MZT2A: variants seen among roughly 807,000 people sequenced by gnomAD.
MZT2A encodes the protein mitotic spindle organizing protein 2A.
MZT2A carries 8 observed loss-of-function variants against 12.4 expected under a neutral mutation model. That is an observed-to-expected ratio of 0.64 (90% CI 0.38 to 1.16). The LOEUF (loss-of-function observed/expected upper bound fraction) is 1.16, where lower values mean the gene tolerates loss of function less well. Ranked by LOEUF, MZT2A falls within the 50% of genes most tolerant of loss-of-function variation. The probability of loss-of-function intolerance (pLI) is 0.01; values close to 1 mark genes in which losing one functional copy is unlikely to be tolerated. For synonymous variants in MZT2A, 88 were observed against 107.5 expected (o/e 0.82, Z 1.12); for missense variants, 181 against 223.6 (o/e 0.81, Z 1.22).
In MZT2A at chr2:131,477,037, C is replaced by CTT. The variant is rs1229461335; in HGVS notation, c.279-4857_279-4856dup. ...TCCTTTTTTTCCTTTCTTTTTCTTT[C>CTT]TTTTTTTTTTTTGAGACAGCACTCA... On this transcript the variant is annotated intron_variant and NMD_transcript_variant, in intron 2 of 4. Transcript: ENST00000427024. Among the ~76,000 whole-genome samples the CTT allele has an allele frequency of 1.1e-4, 12 of 108,716 alleles. 2 individuals are homozygous for CTT. The highest frequency in any genetic ancestry group is 2.5e-4 in the South Asian group (1 of 4,044). 71.3% of individuals were successfully genotyped at this position (108,716 alleles called of 152,430 possible).
At chr2:131,493,505 C>T (rs1402366633), upstream of MZT2A, among the ~76,000 whole-genome samples, 1 of 152,096 alleles carries the variant, frequency 6.6e-6, no homozygotes, top group Admixed American at 6.5e-5. Context: ...CTCGACCCTT[C>T]CCCTGTGCGC....
chr2:131,469,736 G>T (rs1292929641), intron 4 of MZT2A: 1 of 143,970 alleles, frequency 6.9e-6, no homozygotes, highest in Non-Finnish European at 1.5e-5. Flanking sequence ...AGTTTTCAAA[G>T]ATGTTTTATT....
downstream of MZT2A, chr2:131,482,496 C>T: frequency 1.3e-6 from 2 of 1,540,892 alleles, no homozygotes; most frequent in Non-Finnish European, 1.7e-6. Flanking sequence ...AAAGTAGCTA[C>T]CATTTCTAGG....
chr2:131,477,867 A>G (rs1678726023), intron 2 of MZT2A, among the ~76,000 whole-genome samples: 1 of 152,214 alleles, frequency 6.6e-6, no homozygotes, highest in South Asian at 2.1e-4. Flanking sequence ...GTGACGGGCT[A>G]TAATGTGGGG....
At chr2:131,484,480 G>C (rs1226311419) in intron 2 of MZT2A, among the ~76,000 whole-genome samples, 3 of 152,214 alleles carry the variant, frequency 2.0e-5, no homozygotes, top group African/African-American at 7.2e-5. Context: ...ACTGCCAAGG[G>C]AACATTTTGA....
chr2:131,492,919 T>C (rs1679407839), upstream of MZT2A: 1 of 1,510,830 alleles, frequency 6.6e-7, no homozygotes, highest in Non-Finnish European at 8.9e-7. Context: ...GACCACTCCC[T>C]CCCCCCGCAC....
chr2:131,478,493 C>T, intron 2 of MZT2A: 3 of 1,360,844 alleles, frequency 2.2e-6, no homozygotes, highest in South Asian at 3.0e-5. Flanking sequence ...ATGGGATAGA[C>T]AGGCATATGC....
intron 2 of MZT2A, among the ~76,000 whole-genome samples, chr2:131,473,407 A>G (rs370437364): frequency 0.095 from 12,646 of 132,540 alleles, 1,365 homozygotes; most frequent in African/African-American, 0.27. Flanking sequence ...CCTGGACCTC[A>G]TGAGTCCCAT....
At chr2:131,491,819 C>G (rs1436238947) in intron 2 of MZT2A, 57 bp downstream of exon 2, 4 of 1,294,730 alleles carry the variant, frequency 3.1e-6, no homozygotes, top group Non-Finnish European at 4.1e-6. Context: ...CCGCGCCTGC[C>G]CCCTCCCCGC....
intron 2 of MZT2A, among the ~76,000 whole-genome samples, chr2:131,474,563 C>T (rs1288770935): frequency 2.6e-5 from 4 of 151,664 alleles, no homozygotes; most frequent in Non-Finnish European, 5.9e-5. Flanking sequence ...GTGCTCACCA[C>T]CATGCCTGGC....
At chr2:131,491,054 C>T in intron 2 of MZT2A, 15 of 1,126,278 alleles carry the variant, frequency 1.3e-5, no homozygotes, top group Non-Finnish European at 2.0e-5. Context: ...CTCATGATGC[C>T]TGTGAGGGTC....
intron 3 of MZT2A, among the ~76,000 whole-genome samples, chr2:131,471,775 G>T (rs972293637): frequency 3.3e-5 from 5 of 151,892 alleles, no homozygotes; most frequent in African/African-American, 7.3e-5. Flanking sequence ...TGCTTACTCC[G>T]CGGGGTTGAA....
intron 2 of MZT2A, chr2:131,486,289 T>C (rs1679047505): frequency 3.0e-5 from 5 of 166,876 alleles, no homozygotes. Context: ...GATTCTGTCT[T>C]CCATGAGCAG....
intron 2 of MZT2A, chr2:131,478,371 G>A (rs1559347173): frequency 6.2e-7 from 1 of 1,613,424 alleles, no homozygotes; most frequent in Non-Finnish European, 8.5e-7. Flanking sequence ...TGTGGACCTG[G>A]AGCCCACTGT....
At chr2:131,482,797 G>A (rs771040704), downstream of MZT2A, 1 of 1,614,246 alleles carries the variant, frequency 6.2e-7, no homozygotes, top group South Asian at 1.1e-5. Context: ...ATTATGAAGA[G>A]GTGGGCGTGG....
At chr2:131,492,528 A>T, upstream of MZT2A, 1 of 1,117,612 alleles carries the variant, frequency 8.9e-7, no homozygotes, top group Non-Finnish European at 1.1e-6. Context: ...CCTCGGCGTC[A>T]TTGGAGCCCA....
upstream of MZT2A, chr2:131,492,682 G>A (rs2104745913): frequency 8.0e-7 from 1 of 1,253,624 alleles, no homozygotes; most frequent in East Asian, 5.4e-5. Context: ...GCAGCACCCA[G>A]CCCAGTGCCA....
intron 2 of MZT2A, 139 bp downstream of exon 2, chr2:131,491,737 G>A (rs1679317471): frequency 6.3e-6 from 7 of 1,119,128 alleles, no homozygotes; most frequent in Non-Finnish European, 8.6e-6. Flanking sequence ...GCCCACGGAT[G>A]GGCCCTGCAG....
At chr2:131,480,875 T>C, downstream of MZT2A, 3 of 1,351,152 alleles carry the variant, frequency 2.2e-6, no homozygotes, top group Non-Finnish European at 2.0e-6. Flanking sequence ...GGGCATAAAT[T>C]AGTGAACCAG....
Sources: gnomAD v4.1 joint callset for allele counts (sites outside exome capture counted in the v4.1 genomes callset) on GRCh38, gnomAD v4.1.1 for gene constraint, MANE v1.5 for transcripts, NCBI Gene and HGNC (gene_info 2026-07-23, HGNC 2026-07-21) for gene names.